The following RAI14 variants were observed in gnomAD, a reference collection of about 807,000 sequenced individuals.
The protein encoded by RAI14 is retinoic acid induced 14, also known as ankycorbin.
A neutral mutation model predicts 115.4 loss-of-function variants in RAI14; 45 were observed. The ratio of observed to expected loss-of-function variants is 0.39; its 90% CI spans 0.31 to 0.50. The LOEUF is 0.50. Ranked by LOEUF, RAI14 falls within the 20% of genes least tolerant of loss-of-function variation. The pLI, the probability that RAI14 is intolerant of heterozygous loss-of-function variation, is 0.85. For missense variants in RAI14, 939 were observed against 1,131.2 expected (o/e 0.83, Z 2.44); for synonymous variants, 371 against 415.4 (o/e 0.89, Z 1.30).
intron 2 of RAI14, among the ~76,000 whole-genome samples, chr5:34,700,201 GCA>G (rs1206973466): frequency 6.6e-6 from 1 of 152,186 alleles, no homozygotes; most frequent in Admixed American, 6.5e-5. Context: ...AAGGTTTGGT[GCA>G]CAGTTTTCCC....
At chr5:34,753,699 AG>A (rs1218117531) in intron 2 of RAI14, among the ~76,000 whole-genome samples, 1 of 152,112 alleles carries the variant, frequency 6.6e-6, no homozygotes, top group Admixed American at 6.6e-5. Flanking sequence ...GCAGATCACG[AG>A]GTCAAGCGCT....
At chr5:34,804,809 A>G (rs577611994) in intron 5 of RAI14, among the ~76,000 whole-genome samples, 1 of 152,248 alleles carries the variant, frequency 6.6e-6, no homozygotes, top group Admixed American at 6.5e-5. Flanking sequence ...GGGACCAGAC[A>G]CTCTGGATAA....
chr5:34,682,039 G>A (rs187925509), intron 1 of RAI14, among the ~76,000 whole-genome samples: 16 of 152,066 alleles, frequency 1.1e-4, no homozygotes, highest in African/African-American at 3.6e-4. Flanking sequence ...ATTTTTGGTA[G>A]AGACAGGGTT....
chr5:34,766,312 A>G (rs1749353518), intron 3 of RAI14, among the ~76,000 whole-genome samples: 1 of 152,134 alleles, frequency 6.6e-6, no homozygotes, highest in Admixed American at 6.5e-5. Flanking sequence ...CAGACACTCA[A>G]CACCAGCCCG....
intron 2 of RAI14, among the ~76,000 whole-genome samples, chr5:34,740,942 A>C (rs960317981): frequency 6.6e-5 from 10 of 152,240 alleles, no homozygotes; most frequent in Admixed American, 3.3e-4. Context: ...GAAATATACT[A>C]AACTATCCAG....
intron 2 of RAI14, among the ~76,000 whole-genome samples, chr5:34,713,172 C>A (rs1443279232): frequency 2.0e-5 from 3 of 152,136 alleles, no homozygotes; most frequent in Non-Finnish European, 4.4e-5. Flanking sequence ...CATTCAGTCC[C>A]TGTCTTCTGA....
chr5:34,748,132 C>T (rs899054258), intron 2 of RAI14, among the ~76,000 whole-genome samples: 4 of 152,090 alleles, frequency 2.6e-5, no homozygotes, highest in East Asian at 1.9e-4. Context: ...ATTATGTACA[C>T]GCCACAGCAC....
At chr5:34,813,934 A>C (rs987215611) in intron 11 of RAI14, among the ~76,000 whole-genome samples, 29 of 152,230 alleles carry the variant, frequency 1.9e-4, no homozygotes, top group Admixed American at 7.8e-4. Context: ...CTTATCACAG[A>C]AACTTTCCCT....
chr5:34,752,703 A>ATGTGTGTGTGTGTG (rs71600953), intron 2 of RAI14, among the ~76,000 whole-genome samples: 37 of 83,014 alleles, frequency 4.5e-4, no homozygotes, highest in Middle Eastern at 5.4e-3. Flanking sequence ...TCTTACATAT[A>ATGTGTGTGTGTGTG]TGTGTGTGTG....
At chr5:34,731,209 C>T (rs191442290) in intron 2 of RAI14, among the ~76,000 whole-genome samples, 1 of 152,050 alleles carries the variant, frequency 6.6e-6, no homozygotes, top group Non-Finnish European at 1.5e-5. Flanking sequence ...CCCCTTCTTA[C>T]AGTGTTTGGT....
chr5:34,803,172 A>T (rs1350601532), intron 4 of RAI14, among the ~76,000 whole-genome samples: 1 of 152,212 alleles, frequency 6.6e-6, no homozygotes, highest in East Asian at 1.9e-4. Flanking sequence ...TCACCCCAAG[A>T]CAACAGCAGT....
chr5:34,741,799 A>G (rs1345585598), intron 2 of RAI14, among the ~76,000 whole-genome samples: 1 of 152,182 alleles, frequency 6.6e-6, no homozygotes, highest in Admixed American at 6.5e-5. Flanking sequence ...CATCACTATG[A>G]GGGAAGTTGG....
intron 2 of RAI14, among the ~76,000 whole-genome samples, chr5:34,730,563 C>T (rs1254891916): frequency 6.6e-6 from 1 of 152,082 alleles, no homozygotes; most frequent in Non-Finnish European, 1.5e-5. Flanking sequence ...GTAGTCTCTG[C>T]TACTCGGGAG....
In RAI14 at chr5:34,830,845, G is replaced by C; in HGVS notation, c.*80G>C. On this transcript the variant is annotated 3_prime_UTR_variant, in exon 18 of 18. Coordinates refer to ENST00000265109, the MANE Select transcript of RAI14 (RefSeq NM_015577.3). Reference sequence around the variant, plus strand: ...AGAGTTGTCGGCAGCCGCTGCCATTGTTCTCATTCGTGGTATGCACTGTGG... The same window carrying C: ...AGAGTTGTCGGCAGCCGCTGCCATTCTTCTCATTCGTGGTATGCACTGTGG... 6 of 1,590,536 alleles carry C rather than the reference G, an allele frequency of 3.8e-6. No individual in the cohort carries two copies.
intron 2 of RAI14, among the ~76,000 whole-genome samples, chr5:34,699,463 C>A (rs1739762752): frequency 6.6e-6 from 1 of 152,190 alleles, no homozygotes; most frequent in Admixed American, 6.5e-5. Context: ...GGAGCATCAT[C>A]CTGATCTCTG....
In RAI14 at chr5:34,818,777, T is replaced by G; in HGVS notation, c.940-20T>G. The G allele has an allele frequency of 6.3e-7, 1 of 1,595,694 alleles. No homozygotes were observed. Among genetic ancestry groups the G allele is most frequent in the Non-Finnish European group, 8.6e-7 (1 of 1,167,274 alleles). On this transcript the variant is annotated intron_variant, in intron 12 of 17. Transcript: ENST00000265109. ...GTTACATTTAGAAATGTTCTTTAAG[T>G]CATTTTTGTGTTTCAATAGGCTGAG... is the stretch of plus-strand genomic sequence containing the variant.
intron 3 of RAI14, among the ~76,000 whole-genome samples, chr5:34,775,920 A>G (rs1750777502): frequency 1.3e-5 from 2 of 152,238 alleles, no homozygotes; most frequent in East Asian, 1.9e-4. Context: ...ACTGCTAGGT[A>G]TATACCCAAA....
At chr5:34,745,543 T>G (rs1164155874) in intron 2 of RAI14, among the ~76,000 whole-genome samples, 1 of 152,172 alleles carries the variant, frequency 6.6e-6, no homozygotes, top group Non-Finnish European at 1.5e-5. Context: ...CCCAATCCCA[T>G]AGTCATTGCA....
intron 2 of RAI14, among the ~76,000 whole-genome samples, chr5:34,700,033 T>C (rs2149926527): frequency 6.6e-6 from 1 of 152,166 alleles, no homozygotes; most frequent in East Asian, 1.9e-4. Flanking sequence ...ATCAAAGCGG[T>C]CAGACTTGTT....
Sources: gnomAD v4.1 joint callset for allele counts (sites outside exome capture counted in the v4.1 genomes callset) on GRCh38, gnomAD v4.1.1 for gene constraint, MANE v1.5 for transcripts, NCBI Gene and HGNC (gene_info 2026-07-23, HGNC 2026-07-21) for gene names.